SPTA1: variants seen among roughly 807,000 people sequenced by gnomAD.
SPTA1 encodes spectrin alpha, erythrocytic 1, also known as spectrin alpha chain, erythrocytic 1.
Under a neutral mutation model 324.7 loss-of-function variants are expected in SPTA1, and 177 were observed. That is an observed-to-expected ratio of 0.55 (90% CI 0.48 to 0.62). The LOEUF is 0.62. Ranked by LOEUF, SPTA1 falls within the 20% of genes least tolerant of loss-of-function variation. The probability of loss-of-function intolerance (pLI) is 0.00; values close to 1 mark genes in which losing one functional copy is unlikely to be tolerated. For synonymous variants in SPTA1, 1,195 were observed against 1,041.3 expected (o/e 1.15, Z -2.84); for missense variants, 3,162 against 2,883.6 (o/e 1.10, Z -2.21).
chr1:158,634,550 G>T lies in SPTA1; in HGVS notation c.5558C>A (p.Ala1853Asp). ...VRGDCGDTLA[A>D]TQSLLMKHEA... ...ATTCTTCCTGTTCCTCACCTGAGTA[G>T]CAGCTAATGTATCTCCACAATCTCC... The change falls in exon 39 of 52, where the codon GCT (alanine) becomes GAT (aspartate). Residue 1853 changes from alanine to aspartate, a missense_variant. Coordinates refer to ENST00000643759, the MANE Select transcript of SPTA1 (RefSeq NM_003126.4). 6.2e-7 allele frequency: 1 copy of T among 1,613,968 alleles called. No individual in the cohort carries two copies. The highest frequency in any genetic ancestry group is 8.5e-7 in the Non-Finnish European group (1 of 1,180,022).
chr1:158,674,472 CCTG>C, intron 9 of SPTA1, 42 bp from the exon 10 acceptor site: 1 of 1,614,016 alleles, frequency 6.2e-7, no homozygotes, highest in Non-Finnish European at 8.5e-7. Context: ...CAGCAAGAAA[CCTG>C]GCATTTCTGG....
chr1:158,683,036 G>T (rs1469244554), intron 3 of SPTA1, among the ~76,000 whole-genome samples: 1 of 152,128 alleles, frequency 6.6e-6, no homozygotes, highest in Non-Finnish European at 1.5e-5. Flanking sequence ...GGACATTGAG[G>T]TTAGAGGAAA....
At chr1:158,671,137 T>C (rs1347936310) in intron 12 of SPTA1, among the ~76,000 whole-genome samples, 2 of 152,158 alleles carry the variant, frequency 1.3e-5, no homozygotes, top group Non-Finnish European at 2.9e-5. Flanking sequence ...TCTCACTATA[T>C]AAACATTTTA....
chr1:158,674,266 G>T (rs1346849492), intron 10 of SPTA1, 63 bp downstream of exon 10: 95 of 1,429,216 alleles, frequency 6.6e-5, no homozygotes, highest in Non-Finnish European at 8.6e-5. Context: ...TCATATTATT[G>T]TGAGATTATG....
chr1:158,611,166 C>CACACAA lies in SPTA1; in HGVS notation c.*97_*98insTTGTGT. On this transcript the variant is annotated 3_prime_UTR_variant, in exon 52 of 52. Transcript: ENST00000643759. ...ACACACACACACACACACACACACA[C>CACACAA]GAGGCCATCTTTATCTTCCACATTT... is the stretch of plus-strand genomic sequence containing the variant. The CACACAA allele has an allele frequency of 7.2e-7, 1 of 1,387,714 alleles. No homozygotes were observed. Among genetic ancestry groups the CACACAA allele is most frequent in the African/African-American group, 1.4e-5 (1 of 69,502 alleles). 86.0% of individuals were successfully genotyped at this position (1,387,714 alleles called of 1,614,324 possible).
intron 35 of SPTA1, chr1:158,639,130 A>T (rs1426720389): frequency 5.7e-6 from 1 of 174,794 alleles, no homozygotes; most frequent in Non-Finnish European, 1.2e-5. Flanking sequence ...TGCTCTCAGC[A>T]CAAATTTTTG....
At chr1:158,651,056 A>G (rs192190104) in intron 24 of SPTA1, among the ~76,000 whole-genome samples, 68 of 152,342 alleles carry the variant, frequency 4.5e-4, no homozygotes, top group African/African-American at 1.5e-3. Context: ...TTAAAGCTAC[A>G]TCTTAATTTC....
chr1:158,657,838 G>A, intron 18 of SPTA1, 144 bp from the exon 19 acceptor site: 1 of 818,494 alleles, frequency 1.2e-6, no homozygotes, highest in Non-Finnish European at 1.9e-6. Context: ...TGAGTTACCT[G>A]GGAATTGAAA....
chr1:158,668,009 C>T lies in SPTA1; in HGVS notation c.1887G>A (p.Glu629=). Residue 629 remains glutamate (E), a synonymous_variant, in exon 15 of 52, where the codon GAG becomes GAA. Transcript: ENST00000643759. The part of the protein sequence containing the change: ...RVQKQQVFEK[E]LAVNKTQLEN... The stretch of plus-strand genomic sequence containing the variant: ...CCAGCTGGGTCTTATTAACTGCCAA[C>T]TCCTTTTCAAAGACTTGCTGCTTTT... 1 of 1,613,094 alleles carries T rather than the reference C, an allele frequency of 6.2e-7. No homozygotes were observed. The highest frequency in any genetic ancestry group is 8.5e-7 in the Non-Finnish European group (1 of 1,179,906).
Position 158,635,624 on chromosome 1 carries a change from G to C in SPTA1, c.5432+289C>G, listed in dbSNP as rs1651011222. Among the ~76,000 whole-genome samples, 3 of 152,232 alleles carry C rather than the reference G, an allele frequency of 2.0e-5. No homozygotes were observed. The South Asian group carries it at 6.2e-4, about 32-fold the overall frequency. On this transcript the variant is annotated intron_variant, in intron 38 of 51. Transcript: ENST00000643759. The stretch of plus-strand genomic sequence containing the variant: ...GGGAGATAAAGCAGAACAGATGTGT[G>C]GCTAATAACCTGATATGAAGGATAA...
chr1:158,631,699 G>T (rs1571402010), intron 39 of SPTA1, among the ~76,000 whole-genome samples: 1 of 152,120 alleles, frequency 6.6e-6, no homozygotes, highest in South Asian at 2.1e-4. Flanking sequence ...ATGAAAAGAT[G>T]CTTCACATTA....
chr1:158,628,466 T>C (rs1346329309), intron 39 of SPTA1, among the ~76,000 whole-genome samples: 1 of 152,124 alleles, frequency 6.6e-6, no homozygotes, highest in African/African-American at 2.4e-5. Context: ...TTTTTCAAAA[T>C]CCCTATTGAA....
At chr1:158,616,620 T>C (rs1047005370) in intron 47 of SPTA1, among the ~76,000 whole-genome samples, 1 of 151,816 alleles carries the variant, frequency 6.6e-6, no homozygotes, top group African/African-American at 2.4e-5. Flanking sequence ...CCATTGTGTA[T>C]ACCATGATTT....
intron 9 of SPTA1, 53 bp from the exon 10 acceptor site, chr1:158,674,483 T>C (rs1654262583): frequency 6.2e-7 from 1 of 1,613,978 alleles, no homozygotes; most frequent in Non-Finnish European, 8.5e-7. Flanking sequence ...CTGGCATTTC[T>C]GGCATTCAGC....
chr1:158,625,551 T>A (rs1650213748), intron 42 of SPTA1, among the ~76,000 whole-genome samples: 2 of 151,752 alleles, frequency 1.3e-5, no homozygotes, highest in African/African-American at 4.8e-5. Flanking sequence ...TAAAATACAG[T>A]GGAATTAAAC....
At chr1:158,674,729 A>G (rs1654286643) in intron 8 of SPTA1, 54 bp from the exon 9 acceptor site, 5 of 1,606,932 alleles carry the variant, frequency 3.1e-6, no homozygotes, top group Non-Finnish European at 4.2e-6. Context: ...ATGAAAGGAC[A>G]TTGAACAAAG....
intron 8 of SPTA1, 114 bp from the exon 9 acceptor site, chr1:158,674,789 C>T: frequency 1.4e-6 from 2 of 1,396,178 alleles, no homozygotes; most frequent in Non-Finnish European, 2.0e-6. Flanking sequence ...TTACTCTAAT[C>T]CTAGGTTCCC....
intron 4 of SPTA1, 49 bp from the exon 5 acceptor site, chr1:158,680,778 C>T: frequency 1.9e-6 from 3 of 1,610,010 alleles, no homozygotes; most frequent in Non-Finnish European, 2.5e-6. Context: ...TTAGGAGTTT[C>T]TGTAGGTCAA....
intron 42 of SPTA1, among the ~76,000 whole-genome samples, chr1:158,625,107 GT>G (rs1650186160): frequency 1.3e-5 from 2 of 152,088 alleles, no homozygotes; most frequent in South Asian, 4.1e-4. Flanking sequence ...ATTAGATAAA[GT>G]AATACCCAAC....
Sources: gnomAD v4.1 joint callset for allele counts (sites outside exome capture counted in the v4.1 genomes callset) on GRCh38, gnomAD v4.1.1 for gene constraint, MANE v1.5 for transcripts, NCBI Gene and HGNC (gene_info 2026-07-23, HGNC 2026-07-21) for gene names.